The following CACNA1E variants were observed in gnomAD, a reference collection of about 807,000 sequenced individuals.
The protein encoded by CACNA1E is voltage-dependent R-type calcium channel subunit alpha-1E.
A neutral mutation model predicts 259.2 loss-of-function variants in CACNA1E; 40 were observed. The observed-to-expected ratio is 0.15, with a 90% confidence interval of 0.12 to 0.20. CACNA1E has a LOEUF of 0.20. Ranked by LOEUF, CACNA1E falls within the 10% of genes least tolerant of loss-of-function variation. CACNA1E has a pLI of 1.00. For synonymous variants in CACNA1E, 1,104 were observed against 1,138.5 expected, an observed-to-expected ratio of 0.97 and a Z score of 0.61; for missense variants, 1,874 against 3,040.1, an observed-to-expected ratio of 0.62 and a Z score of 9.02.
At chr1:181,429,955 C>T (rs1186806556) in intron 2 of CACNA1E, among the ~76,000 whole-genome samples, 1 of 152,364 alleles carries the variant, frequency 6.6e-6, no homozygotes, top group South Asian at 2.1e-4. Flanking sequence ...ACCTTGTGCT[C>T]ATGGGGCCTG....
At chr1:181,455,961 T>C (rs1348105390) in intron 2 of CACNA1E, among the ~76,000 whole-genome samples, 1 of 152,216 alleles carries the variant, frequency 6.6e-6, no homozygotes, top group Non-Finnish European at 1.5e-5. Context: ...TGGTGGCCTA[T>C]GCCTGTGGGA....
intron 3 of CACNA1E, among the ~76,000 whole-genome samples, chr1:181,546,629 C>T (rs1647503702): frequency 6.6e-6 from 1 of 152,200 alleles, no homozygotes; most frequent in Non-Finnish European, 1.5e-5. Context: ...CACCACCACT[C>T]ACCCATTCTG....
At chr1:181,734,535 C>A (rs1655846035) in intron 21 of CACNA1E, among the ~76,000 whole-genome samples, 1 of 148,016 alleles carries the variant, frequency 6.8e-6, no homozygotes, top group African/African-American at 2.5e-5. Context: ...TGCCCTGACC[C>A]CATACCCCAT....
intron 3 of CACNA1E, among the ~76,000 whole-genome samples, chr1:181,564,565 T>G (rs1455024914): frequency 6.6e-6 from 1 of 152,208 alleles, no homozygotes; most frequent in Non-Finnish European, 1.5e-5. Flanking sequence ...GGAATCAACT[T>G]CTTCCAAATT....
intron 7 of CACNA1E, among the ~76,000 whole-genome samples, chr1:181,696,801 T>C (rs1651755431): frequency 6.6e-6 from 1 of 152,162 alleles, no homozygotes; most frequent in Admixed American, 6.5e-5. Context: ...ATAAGATATC[T>C]AAAAAAAGAT....
At chr1:181,757,161 A>C in intron 30 of CACNA1E, 35 bp downstream of exon 30, 1 of 1,485,822 alleles carries the variant, frequency 6.7e-7, no homozygotes, top group Non-Finnish European at 9.4e-7. Context: ...GGAGCAGCAG[A>C]GGCTCCAGAA....
intron 1 of CACNA1E, among the ~76,000 whole-genome samples, chr1:181,359,380 A>G (rs1653693535): frequency 6.6e-6 from 1 of 152,198 alleles, no homozygotes; most frequent in Non-Finnish European, 1.5e-5. Context: ...GCCTTAACAT[A>G]TGATCTTTTT....
At chr1:181,327,538 C>T (rs1243271090) in intron 1 of CACNA1E, among the ~76,000 whole-genome samples, 1 of 152,198 alleles carries the variant, frequency 6.6e-6, no homozygotes, top group Non-Finnish European at 1.5e-5. Flanking sequence ...ATCTCCCCAA[C>T]CCCCATCTTT....
intron 2 of CACNA1E, among the ~76,000 whole-genome samples, chr1:181,425,412 G>C (rs1659093606): frequency 6.6e-6 from 1 of 152,180 alleles, no homozygotes; most frequent in South Asian, 2.1e-4. Context: ...TGAGGGGATG[G>C]GTGAAGACAC....
chr1:181,487,908 G>A (rs1663985956), intron 1 of CACNA1E, among the ~76,000 whole-genome samples: 1 of 152,224 alleles, frequency 6.6e-6, no homozygotes, highest in Non-Finnish European at 1.5e-5. Flanking sequence ...CAGCAGGGGA[G>A]AACATGCTTC....
In CACNA1E at chr1:181,771,293, G is replaced by GTAT; in HGVS notation, c.4884_4886dup (p.Val1628_Phe1629insLeu). ...GTTTTCTGTTGTTTCTCTCCTCAAGGTATTTGGAAACATAAAATTAGACGA... is the reference window on the plus strand; with the variant it reads ...GTTTTCTGTTGTTTCTCTCCTCAAGGTATTATTTGGAAACATAAAATTAGACGA... On this transcript the variant is annotated inframe_insertion and splice_region_variant, in exon 36 of 48. Transcript: ENST00000367573. 1 of 1,533,538 alleles carries GTAT rather than the reference G, an allele frequency of 6.5e-7. No homozygotes were observed. Among genetic ancestry groups the GTAT allele is most frequent in the Non-Finnish European group, 8.9e-7 (1 of 1,119,822 alleles). 95.0% of individuals were successfully genotyped at this position (1,533,538 alleles called of 1,614,324 possible).
intron 7 of CACNA1E, among the ~76,000 whole-genome samples, chr1:181,656,891 C>T (rs1004372789): frequency 2.0e-5 from 3 of 152,154 alleles, no homozygotes; most frequent in African/African-American, 7.2e-5. Context: ...TATAGGTTTA[C>T]AGCCTAGGAG....
At chr1:181,569,689 C>T (rs534425179) in intron 3 of CACNA1E, among the ~76,000 whole-genome samples, 15 of 152,288 alleles carry the variant, frequency 9.8e-5, no homozygotes, top group South Asian at 4.1e-4. Context: ...GTCACAGCTC[C>T]GTGGATGCGT....
intron 1 of CACNA1E, among the ~76,000 whole-genome samples, chr1:181,355,945 A>G (rs1263671823): frequency 6.6e-6 from 1 of 152,228 alleles, no homozygotes; most frequent in African/African-American, 2.4e-5. Context: ...TTGTGATCCA[A>G]AAGTTCATAT....
rs79986066 is a variant in CACNA1E at position 181,692,336 on chromosome 1, A to G, written c.1056-18618A>G. 4.6e-3 allele frequency among the ~76,000 whole-genome samples: 696 copies of G among 152,294 alleles called. 5 individuals carry two copies. The highest frequency in any genetic ancestry group is 0.028 in the East Asian group (145 of 5,190). ...TTACATGGAGCTAAAAAAGGGCCCAAATAGCCAAAGCAATCCTAAGTAGCA... is the reference window on the plus strand; with the variant it reads ...TTACATGGAGCTAAAAAAGGGCCCAGATAGCCAAAGCAATCCTAAGTAGCA... On this transcript the variant is annotated intron_variant, in intron 7 of 47. Transcript: ENST00000367573.
intron 6 of CACNA1E, among the ~76,000 whole-genome samples, chr1:181,641,273 T>C (rs941218329): frequency 1.3e-5 from 2 of 152,174 alleles, no homozygotes; most frequent in African/African-American, 4.8e-5. Context: ...AGAGGACTTG[T>C]AATTGGTGGA....
chr1:181,785,659 G>A (rs577399577), intron 42 of CACNA1E, 54 bp from the exon 43 acceptor site: 58 of 1,240,738 alleles, frequency 4.7e-5, no homozygotes, highest in Non-Finnish European at 6.0e-5. Flanking sequence ...TTTCCCCACA[G>A]CAAACTCCGT....
At chr1:181,354,461 G>A (rs891699962) in intron 1 of CACNA1E, among the ~76,000 whole-genome samples, 1 of 152,186 alleles carries the variant, frequency 6.6e-6, no homozygotes, top group Admixed American at 6.5e-5. Flanking sequence ...CTGAAGAAAT[G>A]AGTGAATGGG....
intron 6 of CACNA1E, among the ~76,000 whole-genome samples, chr1:181,605,486 T>G (rs1654147367): frequency 6.6e-6 from 1 of 152,126 alleles, no homozygotes. Flanking sequence ...CTTCGTGTTT[T>G]TGAAACAGGA....
Sources: gnomAD v4.1 joint callset for allele counts (sites outside exome capture counted in the v4.1 genomes callset) on GRCh38, gnomAD v4.1.1 for gene constraint, MANE v1.5 for transcripts, NCBI Gene and HGNC (gene_info 2026-07-23, HGNC 2026-07-21) for gene names.